The following BACH2 variants were observed in gnomAD, a reference collection of about 807,000 sequenced individuals.
The protein encoded by BACH2 is transcription regulator protein BACH2.
BACH2 carries 5 observed loss-of-function variants against 61.8 expected under a neutral mutation model. The ratio of observed to expected loss-of-function variants is 0.08; its 90% CI spans 0.04 to 0.17. The LOEUF (loss-of-function observed/expected upper bound fraction) is 0.17. BACH2 is among the 10% of genes least tolerant of loss of function. BACH2 has a pLI of 1.00. For missense variants in BACH2, 824 were observed against 1,091.1 expected, an observed-to-expected ratio of 0.76 and a Z score of 3.45; for synonymous variants, 446 against 440.1, an observed-to-expected ratio of 1.01 and a Z score of -0.17.
chr6:89,999,521 C>T (rs1777025010), intron 6 of BACH2, among the ~76,000 whole-genome samples: 1 of 151,488 alleles, frequency 6.6e-6, no homozygotes, highest in African/African-American at 2.4e-5. Flanking sequence ...AAAACTCTCA[C>T]AAGTGCTATT....
At chr6:90,048,279 T>C (rs938218692) in intron 5 of BACH2, among the ~76,000 whole-genome samples, 1 of 152,134 alleles carries the variant, frequency 6.6e-6, no homozygotes, top group African/African-American at 2.4e-5. Flanking sequence ...CAGGTGTGCA[T>C]AACCATGTGC....
At chr6:90,091,745 A>G (rs553570065) in intron 4 of BACH2, among the ~76,000 whole-genome samples, 1 of 152,120 alleles carries the variant, frequency 6.6e-6, no homozygotes, top group Non-Finnish European at 1.5e-5. Context: ...GGGGGGTGCA[A>G]AAAATTTCAA....
chr6:90,028,321 A>G (rs1582223488), intron 5 of BACH2, among the ~76,000 whole-genome samples: 1 of 152,382 alleles, frequency 6.6e-6, no homozygotes, highest in Non-Finnish European at 1.5e-5. Context: ...GGCATCTGGC[A>G]GATGGGGGAC....
intron 5 of BACH2, among the ~76,000 whole-genome samples, chr6:90,082,273 T>G (rs769493271): frequency 1.3e-5 from 2 of 152,176 alleles, no homozygotes; most frequent in African/African-American, 4.8e-5. Context: ...TAACTGAATC[T>G]TCCTTTATGA....
intron 5 of BACH2, among the ~76,000 whole-genome samples, chr6:90,038,371 T>C (rs1463198550): frequency 6.6e-6 from 1 of 152,186 alleles, no homozygotes; most frequent in Non-Finnish European, 1.5e-5. Context: ...TTCCTTCACC[T>C]TAGTTTTCTC....
chr6:89,980,100 G>A (rs1775867611), intron 6 of BACH2, among the ~76,000 whole-genome samples: 1 of 152,134 alleles, frequency 6.6e-6, no homozygotes, highest in African/African-American at 2.4e-5. Flanking sequence ...TTCAAGACCA[G>A]CCTGGCCAAC....
At chr6:90,118,420 T>C (rs1783488924) in intron 4 of BACH2, among the ~76,000 whole-genome samples, 1 of 152,236 alleles carries the variant, frequency 6.6e-6, no homozygotes. Context: ...AACAGCTCTC[T>C]GGAAGCCCAC....
chr6:90,007,814 C>T (rs561262027), intron 6 of BACH2, among the ~76,000 whole-genome samples: 44 of 152,246 alleles, frequency 2.9e-4, no homozygotes, highest in African/African-American at 8.2e-4. Context: ...AGATGCACAC[C>T]GCGCTGGTGG....
intron 4 of BACH2, among the ~76,000 whole-genome samples, chr6:90,092,433 C>A (rs1039061458): frequency 6.6e-6 from 1 of 151,668 alleles, no homozygotes; most frequent in Non-Finnish European, 1.5e-5. Flanking sequence ...GGTATATTAT[C>A]TTACATTTAC....
At chr6:90,287,283 T>C (rs1712476725) in intron 1 of BACH2, among the ~76,000 whole-genome samples, 1 of 152,262 alleles carries the variant, frequency 6.6e-6, no homozygotes, top group Non-Finnish European at 1.5e-5. Flanking sequence ...GCTTGTGGTA[T>C]GTCAAATTGG....
chr6:89,950,898 G>C lies in BACH2; in HGVS notation c.1208C>G (p.Ser403Cys). The C allele has an allele frequency of 6.3e-7, 1 of 1,599,296 alleles. No individual in the cohort carries two copies. The highest frequency in any genetic ancestry group is 1.7e-4 in the Middle Eastern group (1 of 5,986). ...GAGGGGCGACCCCATGGTGAAGTTGGACACCTCCTTCTGGCCCACGTGGGG... is the reference window on the plus strand; with the variant it reads ...GAGGGGCGACCCCATGGTGAAGTTGCACACCTCCTTCTGGCCCACGTGGGG... ...GQPHVGQKEV[S>C]NFTMGSPLRG... Residue 403 changes from serine (S) to cysteine (C), a missense_variant, in exon 7 of 9, where the codon TCC becomes TGC. Ser to Cys is a moderately radical substitution (Grantham distance 112, BLOSUM62 -1). Transcript: ENST00000257749. This position sits in a 1 kb window ranked among gnomAD's most constrained non-coding sequence, Gnocchi z 5.3.
intron 4 of BACH2, among the ~76,000 whole-genome samples, chr6:90,192,987 C>G (rs1768626909): frequency 6.6e-6 from 1 of 152,216 alleles, no homozygotes; most frequent in Non-Finnish European, 1.5e-5. Context: ...GATGGGGTGG[C>G]TCCTGTGTGT....
chr6:89,955,429 A>G (rs967610324), intron 6 of BACH2, among the ~76,000 whole-genome samples: 8 of 152,180 alleles, frequency 5.3e-5, no homozygotes, highest in African/African-American at 1.9e-4. Context: ...AGGATAGGAG[A>G]CTACTGAGGC....
chr6:90,180,291 A>C (rs1200861690), intron 4 of BACH2, among the ~76,000 whole-genome samples: 4 of 152,232 alleles, frequency 2.6e-5, no homozygotes, highest in Non-Finnish European at 5.9e-5. Flanking sequence ...TAAGTATAAA[A>C]GAAATATAAA....
intron 8 of BACH2, among the ~76,000 whole-genome samples, chr6:89,937,435 G>A (rs292250): frequency 0.59 from 89,896 of 152,074 alleles, 27,484 homozygotes; most frequent in Non-Finnish European, 0.67. Flanking sequence ...AGGAGTGCCT[G>A]AGTCATAGCG....
At chr6:90,216,536 G>A (rs1769544453) in intron 3 of BACH2, among the ~76,000 whole-genome samples, 1 of 152,200 alleles carries the variant, frequency 6.6e-6, no homozygotes, top group Admixed American at 6.5e-5. Flanking sequence ...GGATCCACCT[G>A]CTAAGGTCGC....
intron 4 of BACH2, among the ~76,000 whole-genome samples, chr6:90,162,509 G>A (rs1485651572): frequency 6.6e-6 from 1 of 152,094 alleles, no homozygotes; most frequent in African/African-American, 2.4e-5. Context: ...GGGCGTGGTG[G>A]CACACACCTG....
At chr6:90,033,365 A>G (rs191159321) in intron 5 of BACH2, among the ~76,000 whole-genome samples, 21 of 152,012 alleles carry the variant, frequency 1.4e-4, no homozygotes, top group Admixed American at 1.2e-3. Flanking sequence ...AAAAAAAAAA[A>G]AAAAAGAAAA....
At chr6:90,240,911 G>A (rs1172296558) in intron 3 of BACH2, among the ~76,000 whole-genome samples, 1 of 151,928 alleles carries the variant, frequency 6.6e-6, no homozygotes, top group African/African-American at 2.4e-5. Flanking sequence ...AAAGCCAACA[G>A]ATATTACTTT....
Sources: allele counts gnomAD v4.1 joint callset (sites outside exome capture counted in the v4.1 genomes callset), GRCh38; gene constraint gnomAD v4.1.1; non-coding constraint Gnocchi (gnomAD v3.1); transcripts MANE v1.5; gene names NCBI Gene and HGNC (gene_info 2026-07-23, HGNC 2026-07-21).